Variants in ANO3 observed in about 807,000 individuals in gnomAD.
ANO3 encodes the protein anoctamin-3.
ANO3 carries 99 observed loss-of-function variants against 144.8 expected under a neutral mutation model. That is an observed-to-expected ratio of 0.68 (90% CI 0.58 to 0.81). ANO3 has a LOEUF of 0.81. Among genes scored for constraint, ANO3 ranks in the 30% least tolerant of loss-of-function variants. ANO3 has a pLI of 0.00. For synonymous variants in ANO3, 414 were observed against 392.6 expected (o/e 1.05, Z -0.64); for missense variants, 905 against 1,202.2 (o/e 0.75, Z 3.66).
At chr11:26,544,273 T>TATATATATATATATACAC in intron 11 of ANO3, among the ~76,000 whole-genome samples, 29 of 58,540 alleles carry the variant, frequency 5.0e-4, no homozygotes, top group African/African-American at 8.1e-4. Flanking sequence ...TATATATATA[T>TATATATATATATATACAC]ACACACATAC....
At chr11:26,501,808 C>CA (rs1240670852) in intron 4 of ANO3, among the ~76,000 whole-genome samples, 1 of 151,934 alleles carries the variant, frequency 6.6e-6, no homozygotes, top group South Asian at 2.1e-4. Context: ...AGATTTAGGA[C>CA]AAAAAACAGG....
At chr11:26,201,769 T>G (rs954510553) in intron 1 of ANO3, among the ~76,000 whole-genome samples, 9 of 151,832 alleles carry the variant, frequency 5.9e-5, no homozygotes, top group Non-Finnish European at 1.0e-4. Flanking sequence ...TTTGTTTTTT[T>G]TTTTTTTTAA....
At chr11:26,346,464 T>G (rs568637481) in intron 1 of ANO3, among the ~76,000 whole-genome samples, 2 of 152,326 alleles carry the variant, frequency 1.3e-5, no homozygotes, top group East Asian at 3.9e-4. Context: ...TCAAAAAGAC[T>G]CTCATTGCAT....
chr11:26,219,723 A>G (rs1343518654), intron 1 of ANO3, among the ~76,000 whole-genome samples: 2 of 152,186 alleles, frequency 1.3e-5, no homozygotes, highest in Non-Finnish European at 2.9e-5. Context: ...CAGAACCCTC[A>G]CACAGGAAGT....
chr11:26,519,730 T>C (rs1255219801), intron 6 of ANO3, among the ~76,000 whole-genome samples: 2 of 152,230 alleles, frequency 1.3e-5, no homozygotes, highest in Non-Finnish European at 2.9e-5. Context: ...CCATTAAGTA[T>C]TGGAATTTCA....
At chr11:26,306,131 T>C (rs1164672204), upstream of ANO3, among the ~76,000 whole-genome samples, 1 of 141,210 alleles carries the variant, frequency 7.1e-6, no homozygotes, top group Non-Finnish European at 1.5e-5. Context: ...GATAATTTTT[T>C]TTTTTTTTTT....
At chr11:26,220,121 C>T (rs1266228695) in intron 1 of ANO3, among the ~76,000 whole-genome samples, 1 of 152,186 alleles carries the variant, frequency 6.6e-6, no homozygotes, top group East Asian at 1.9e-4. Context: ...CAGTTCACTC[C>T]CTGAGCCAGG....
At chr11:26,426,342 C>T (rs750658121) in intron 1 of ANO3, among the ~76,000 whole-genome samples, 45 of 152,130 alleles carry the variant, frequency 3.0e-4, no homozygotes, top group Non-Finnish European at 4.7e-4. Flanking sequence ...AGGAAATGGA[C>T]CCCATCTTGT....
At chr11:26,636,357 G>A (rs1463403851) in intron 20 of ANO3, among the ~76,000 whole-genome samples, 1 of 152,116 alleles carries the variant, frequency 6.6e-6, no homozygotes, top group East Asian at 1.9e-4. Context: ...TTGTGAACTG[G>A]CTAAGCTAGA....
At chr11:26,307,942 T>A (rs1245093749), upstream of ANO3, among the ~76,000 whole-genome samples, 1 of 152,054 alleles carries the variant, frequency 6.6e-6, no homozygotes, top group Non-Finnish European at 1.5e-5. Context: ...TATTCTGATT[T>A]TACACTTCAC....
chr11:26,643,415 T>C (rs1853236235), intron 23 of ANO3, 81 bp downstream of exon 23: 1 of 1,522,888 alleles, frequency 6.6e-7, no homozygotes, highest in Non-Finnish European at 8.9e-7. Flanking sequence ...CAGATTCATA[T>C]GTTGAAACTT....
chr11:26,564,771 A>AGTT, intron 14 of ANO3, among the ~76,000 whole-genome samples: 1 of 103,792 alleles, frequency 9.6e-6, no homozygotes, highest in Non-Finnish European at 2.1e-5. Context: ...ATATATATAT[A>AGTT]TATATATATA....
At chr11:26,296,144 T>G (rs1385437618) in intron 1 of ANO3, among the ~76,000 whole-genome samples, 1 of 152,252 alleles carries the variant, frequency 6.6e-6, no homozygotes, top group African/African-American at 2.4e-5. Flanking sequence ...AGGTTGCATT[T>G]TCTCTTGTGT....
intron 6 of ANO3, among the ~76,000 whole-genome samples, chr11:26,522,890 C>T (rs1862140101): frequency 6.6e-6 from 1 of 152,058 alleles, no homozygotes; most frequent in Admixed American, 6.6e-5. Flanking sequence ...TATAGCCAAA[C>T]AAATACAACC....
At chr11:26,197,432 T>A (rs1013112532) in intron 1 of ANO3, among the ~76,000 whole-genome samples, 1 of 152,102 alleles carries the variant, frequency 6.6e-6, no homozygotes, top group African/African-American at 2.4e-5. Flanking sequence ...CACTGCAACC[T>A]CCACCTCCCA....
chr11:26,315,273 T>C (rs566279871), intron 1 of ANO3, among the ~76,000 whole-genome samples: 1 of 152,324 alleles, frequency 6.6e-6, no homozygotes, highest in African/African-American at 2.4e-5. Flanking sequence ...CCATCCTCTT[T>C]TTCTAGACTC....
chr11:26,624,666 A>G (rs1264773754), intron 18 of ANO3, among the ~76,000 whole-genome samples, 168 bp downstream of exon 18: 1 of 152,220 alleles, frequency 6.6e-6, no homozygotes, highest in African/African-American at 2.4e-5. Flanking sequence ...TTGAATAACA[A>G]TAGAGAGACA....
intron 1 of ANO3, among the ~76,000 whole-genome samples, chr11:26,285,034 C>G (rs1230000330): frequency 6.6e-6 from 1 of 152,118 alleles, no homozygotes; most frequent in Non-Finnish European, 1.5e-5. Flanking sequence ...TTGTTAAAAC[C>G]GCCTTTACTT....
intron 1 of ANO3, among the ~76,000 whole-genome samples, chr11:26,267,573 A>G (rs1853343191): frequency 6.6e-6 from 1 of 152,250 alleles, no homozygotes; most frequent in Non-Finnish European, 1.5e-5. Flanking sequence ...GACTTTAAAA[A>G]TATCACTATC....
Sources: gnomAD v4.1 joint callset for allele counts (sites outside exome capture counted in the v4.1 genomes callset) on GRCh38, gnomAD v4.1.1 for gene constraint, MANE v1.5 for transcripts, NCBI Gene and HGNC (gene_info 2026-07-23, HGNC 2026-07-21) for gene names.